TAFA2: variants seen among roughly 807,000 people sequenced by gnomAD.
The protein encoded by TAFA2 is TAFA chemokine like family member 2, also known as chemokine-like protein TAFA-2.
Under a neutral mutation model 18.8 loss-of-function variants are expected in TAFA2, and 7 were observed. The ratio of observed to expected loss-of-function variants is 0.37; its 90% CI spans 0.21 to 0.70. The LOEUF (loss-of-function observed/expected upper bound fraction) is 0.70, where lower values mean the gene tolerates loss of function less well. TAFA2 is among the 30% of genes least tolerant of loss of function. The pLI is 0.53. For synonymous variants in TAFA2, 60 were observed against 54.2 expected (o/e 1.11, Z -0.47); for missense variants, 122 against 158.1 (o/e 0.77, Z 1.23).
At chr12:62,025,542 T>C (rs989707957) in intron 1 of TAFA2, among the ~76,000 whole-genome samples, 5 of 152,276 alleles carry the variant, frequency 3.3e-5, no homozygotes, top group Admixed American at 2.6e-4. Flanking sequence ...TTAAATATTA[T>C]GGACTGTTTG....
chr12:62,021,453 C>G (rs1881133109), intron 1 of TAFA2: 1 of 487,942 alleles, frequency 2.0e-6, no homozygotes, highest in African/African-American at 2.1e-5. Context: ...CCCCCAAGAC[C>G]CCAAAGTCCA....
intron 1 of TAFA2, among the ~76,000 whole-genome samples, chr12:61,976,576 A>C (rs543276202): frequency 5.3e-4 from 80 of 152,090 alleles, no homozygotes; most frequent in African/African-American, 1.6e-3. Flanking sequence ...TCTAGGGTAC[A>C]TGTGCACAAC....
intron 4 of TAFA2, among the ~76,000 whole-genome samples, chr12:61,731,905 T>C (rs1287972025): frequency 6.6e-6 from 1 of 152,030 alleles, no homozygotes; most frequent in Non-Finnish European, 1.5e-5. Flanking sequence ...CTAATATTTA[T>C]TGAGCATGTA....
chr12:62,086,169 A>AAAAAC (rs1332423561), intron 1 of TAFA2, among the ~76,000 whole-genome samples: 4 of 151,054 alleles, frequency 2.6e-5, no homozygotes, highest in African/African-American at 4.9e-5. Context: ...ACAGTCTCAA[A>AAAAAC]AAAACAAAAC....
At chr12:61,850,277 A>T (rs1171204150) in intron 2 of TAFA2, among the ~76,000 whole-genome samples, 1 of 152,104 alleles carries the variant, frequency 6.6e-6, no homozygotes, top group Non-Finnish European at 1.5e-5. Context: ...AGCATTAGCA[A>T]GCTACTCTAA....
At chr12:62,024,973 CA>C (rs1224559472) in intron 1 of TAFA2, among the ~76,000 whole-genome samples, 1 of 152,026 alleles carries the variant, frequency 6.6e-6, no homozygotes, top group Non-Finnish European at 1.5e-5. Flanking sequence ...GGCAAGGCTG[CA>C]GAGAAAAGGG....
chr12:61,938,941 A>G (rs1877884611), intron 1 of TAFA2, among the ~76,000 whole-genome samples: 1 of 152,086 alleles, frequency 6.6e-6, no homozygotes, highest in South Asian at 2.1e-4. Context: ...GGATTAAAAA[A>G]AAAACTACAA....
At chr12:61,908,502 T>C (rs1221926383) in intron 1 of TAFA2, among the ~76,000 whole-genome samples, 4 of 152,132 alleles carry the variant, frequency 2.6e-5, no homozygotes, top group Non-Finnish European at 4.4e-5. Flanking sequence ...TGCTTTCCTT[T>C]ATAAATTACC....
chr12:61,921,631 T>C (rs1345744434), intron 1 of TAFA2, among the ~76,000 whole-genome samples: 1 of 152,158 alleles, frequency 6.6e-6, no homozygotes, highest in African/African-American at 2.4e-5. Flanking sequence ...CACATCAGAT[T>C]TGAGCTGTCT....
chr12:61,900,097 C>A (rs931175502), intron 1 of TAFA2, among the ~76,000 whole-genome samples: 1 of 152,132 alleles, frequency 6.6e-6, no homozygotes, highest in African/African-American at 2.4e-5. Context: ...GTATACACAT[C>A]CATTTCTTGT....
chr12:62,008,977 A>G (rs1315626816), intron 1 of TAFA2, among the ~76,000 whole-genome samples: 1 of 152,206 alleles, frequency 6.6e-6, no homozygotes, highest in Non-Finnish European at 1.5e-5. Context: ...TCTAACTAGT[A>G]AATTTTTGTA....
intron 1 of TAFA2, among the ~76,000 whole-genome samples, chr12:62,216,661 G>C (rs2062737203): frequency 6.6e-6 from 1 of 152,160 alleles, no homozygotes; most frequent in South Asian, 2.1e-4. Context: ...TTGTTGATCT[G>C]AAAAACGCTT....
At chr12:61,927,269 C>T (rs1877345283) in intron 1 of TAFA2, among the ~76,000 whole-genome samples, 1 of 151,994 alleles carries the variant, frequency 6.6e-6, no homozygotes, top group South Asian at 2.1e-4. Context: ...AAAAACCCAT[C>T]GTCTCAGCCC....
chr12:62,146,728 C>T lies in TAFA2; in HGVS notation c.-2+44531G>A, dbSNP rs115786300. Among the ~76,000 whole-genome samples the T allele has an allele frequency of 4.7e-3, 717 of 152,166 alleles. 5 individuals carry two copies. Among genetic ancestry groups the T allele is most frequent in the African/African-American group, 0.016 (664 of 41,506 alleles). On this transcript the variant is annotated intron_variant, in intron 1 of 4. Transcript: ENST00000416284. ...TCCTGTTACAAATAGAAACACAATC[C>T]AGGGCTTTTAGAGGCAAAGAGCTAC...
At chr12:62,233,066 C>CTCTTT (rs2062819516) in intron 1 of TAFA2, among the ~76,000 whole-genome samples, 4 of 39,574 alleles carry the variant, frequency 1.0e-4, no homozygotes, top group African/African-American at 3.8e-4. Context: ...TTCTGCATCT[C>CTCTTT]TTTTTTTTTT....
At chr12:61,769,481 T>C (rs1453596833) in intron 2 of TAFA2, among the ~76,000 whole-genome samples, 2 of 149,968 alleles carry the variant, frequency 1.3e-5, no homozygotes, top group Non-Finnish European at 3.0e-5. Flanking sequence ...ACTCACAGAG[T>C]CCACTTTACT....
chr12:61,887,628 C>T (rs903390746), intron 1 of TAFA2, among the ~76,000 whole-genome samples: 7 of 136,404 alleles, frequency 5.1e-5, no homozygotes, highest in African/African-American at 1.4e-4. Flanking sequence ...TGTTCCCCTT[C>T]CTGTGTCCAT....
At chr12:62,207,236 T>C (rs748651135) in intron 1 of TAFA2, 16 of 152,258 alleles carry the variant, frequency 1.1e-4, no homozygotes, top group Non-Finnish European at 1.5e-4. Flanking sequence ...TACATCTTTG[T>C]TTCACATAGT....
At chr12:62,209,192 A>C (rs865837104) in intron 1 of TAFA2, among the ~76,000 whole-genome samples, 18 of 152,286 alleles carry the variant, frequency 1.2e-4, no homozygotes, top group African/African-American at 3.8e-4. Context: ...CATAATCTCC[A>C]TAATCCCCAT....
Sources: gnomAD v4.1 joint callset for allele counts (sites outside exome capture counted in the v4.1 genomes callset) on GRCh38, gnomAD v4.1.1 for gene constraint, MANE v1.5 for transcripts, NCBI Gene and HGNC (gene_info 2026-07-23, HGNC 2026-07-21) for gene names.